The following CDH12 variants were observed in gnomAD, a reference collection of about 807,000 sequenced individuals.
The protein encoded by CDH12 is cadherin 12.
Under a neutral mutation model 74.1 loss-of-function variants are expected in CDH12, and 41 were observed. The observed-to-expected ratio is 0.55, with a 90% CI of 0.43 to 0.72. CDH12 has a LOEUF of 0.72. Ranked by LOEUF, CDH12 falls within the 30% of genes least tolerant of loss-of-function variation. CDH12 has a pLI of 0.00. For missense variants in CDH12, 945 were observed against 977.2 expected, an observed-to-expected ratio of 0.97 and a Z score of 0.44; for synonymous variants, 399 against 355.0, an observed-to-expected ratio of 1.12 and a Z score of -1.39.
chr5:22,397,802 G>A (rs1742527629), intron 3 of CDH12, among the ~76,000 whole-genome samples: 1 of 152,016 alleles, frequency 6.6e-6, no homozygotes, highest in African/African-American at 2.4e-5. Context: ...TTAAAATGAG[G>A]TTATTATGGT....
At chr5:22,302,189 A>T (rs550935746) in intron 3 of CDH12, among the ~76,000 whole-genome samples, 1 of 152,340 alleles carries the variant, frequency 6.6e-6, no homozygotes, top group East Asian at 1.9e-4. Context: ...CAGAGAAAGA[A>T]AAACAAGTAA....
chr5:22,565,830 T>C, intron 1 of CDH12, among the ~76,000 whole-genome samples: 1 of 152,286 alleles, frequency 6.6e-6, no homozygotes, highest in Admixed American at 6.5e-5. Context: ...TTTTTGTTAT[T>C]TTATATGTAT....
intron 5 of CDH12, among the ~76,000 whole-genome samples, chr5:22,035,474 T>C (rs1450291036): frequency 6.6e-6 from 1 of 151,964 alleles, no homozygotes; most frequent in East Asian, 1.9e-4. Flanking sequence ...TATAAAAACA[T>C]GTGAAAACTG....
chr5:22,135,053 A>G (rs1268403155), intron 4 of CDH12, among the ~76,000 whole-genome samples: 1 of 152,048 alleles, frequency 6.6e-6, no homozygotes, highest in Non-Finnish European at 1.5e-5. Context: ...GAACCAGTGT[A>G]AGAGCAAACA....
intron 1 of CDH12, among the ~76,000 whole-genome samples, chr5:22,822,961 T>C (rs1015918964): frequency 6.6e-6 from 1 of 152,142 alleles, no homozygotes; most frequent in East Asian, 1.9e-4. Context: ...CTATTCACAA[T>C]AGCAAAGACT....
At chr5:22,634,254 T>G (rs960148822) in intron 1 of CDH12, among the ~76,000 whole-genome samples, 1 of 152,114 alleles carries the variant, frequency 6.6e-6, no homozygotes, top group African/African-American at 2.4e-5. Context: ...ATATGTTAAT[T>G]GATTAAAACT....
At chr5:22,066,574 G>A (rs1000535040) in intron 5 of CDH12, among the ~76,000 whole-genome samples, 18 of 152,152 alleles carry the variant, frequency 1.2e-4, no homozygotes, top group Admixed American at 6.5e-5. Flanking sequence ...TACTTCCAAA[G>A]TTCTAGAATG....
intron 5 of CDH12, among the ~76,000 whole-genome samples, chr5:22,025,365 G>T (rs544627541): frequency 4.1e-4 from 62 of 152,144 alleles, no homozygotes; most frequent in African/African-American, 1.4e-3. Context: ...TGGTTTCCCA[G>T]CACTTATAAA....
chr5:21,991,050 A>G (rs1391424107), intron 5 of CDH12, among the ~76,000 whole-genome samples: 13 of 151,758 alleles, frequency 8.6e-5, no homozygotes, highest in Non-Finnish European at 1.8e-4. Context: ...GTTTTGTGAC[A>G]TCAATTTGAG....
intron 2 of CDH12, among the ~76,000 whole-genome samples, chr5:22,416,138 A>G (rs552120087): frequency 4.1e-5 from 5 of 120,810 alleles, no homozygotes; most frequent in Admixed American, 1.2e-4. Flanking sequence ...GCAGTGGCGC[A>G]ATCTCGGCTC....
At chr5:22,840,051 AT>A (rs1737013371) in intron 1 of CDH12, among the ~76,000 whole-genome samples, 1 of 152,206 alleles carries the variant, frequency 6.6e-6, no homozygotes. Context: ...CAGTTTTAAA[AT>A]TCAACCATAT....
At chr5:22,838,053 C>T (rs1736911648) in intron 1 of CDH12, among the ~76,000 whole-genome samples, 1 of 152,122 alleles carries the variant, frequency 6.6e-6, no homozygotes, top group Non-Finnish European at 1.5e-5. Flanking sequence ...TCTCCAAGGT[C>T]ATTGTAGGGA....
At chr5:22,077,780 C>A (rs557068728) in intron 5 of CDH12, among the ~76,000 whole-genome samples, 1 of 152,050 alleles carries the variant, frequency 6.6e-6, no homozygotes, top group East Asian at 1.9e-4. Context: ...ATTAAATTTC[C>A]ATAAAGTTGC....
Position 21,946,237 on chromosome 5 carries a change from C to T in CDH12, c.526+28854G>A, listed in dbSNP as rs548525195. ...GAAAGAATGCTAAGGTAATGTGTTG[C>T]TAACAAACTTACCTTTAAAGAATAA... On this transcript the variant is annotated intron_variant, in intron 6 of 14. Coordinates refer to ENST00000382254, the MANE Select transcript of CDH12 (RefSeq NM_004061.5). Among the ~76,000 whole-genome samples the T allele has an allele frequency of 5.5e-3, 829 of 152,046 alleles. 11 individuals are homozygous for T. The highest frequency in any genetic ancestry group is 0.019 in the African/African-American group (770 of 41,496).
intron 6 of CDH12, among the ~76,000 whole-genome samples, chr5:21,881,925 TG>T (rs1752375194): frequency 6.6e-6 from 1 of 152,148 alleles, no homozygotes; most frequent in Non-Finnish European, 1.5e-5. Context: ...TCTGCAAAAG[TG>T]AGAAGAAATC....
chr5:21,894,238 G>C (rs938743102), intron 6 of CDH12, among the ~76,000 whole-genome samples: 1 of 151,880 alleles, frequency 6.6e-6, no homozygotes, highest in African/African-American at 2.4e-5. Context: ...AATTAGCCAG[G>C]CATGGTGGCA....
chr5:22,480,857 T>C (rs1220240560), intron 2 of CDH12, among the ~76,000 whole-genome samples: 1 of 152,182 alleles, frequency 6.6e-6, no homozygotes, highest in African/African-American at 2.4e-5. Flanking sequence ...CAAAAGATTA[T>C]CAGTATTTGC....
chr5:22,618,470 G>C (rs1288776054), intron 1 of CDH12, among the ~76,000 whole-genome samples: 2 of 152,096 alleles, frequency 1.3e-5, no homozygotes, highest in South Asian at 2.1e-4. Context: ...TCAATACCCA[G>C]GGTATACTTT....
intron 3 of CDH12, among the ~76,000 whole-genome samples, chr5:22,402,022 A>T (rs1027057693): frequency 6.6e-6 from 1 of 152,338 alleles, no homozygotes; most frequent in East Asian, 1.9e-4. Flanking sequence ...GGCCTTCAGA[A>T]CTTTGAGACA....
Sources: allele counts gnomAD v4.1 joint callset (sites outside exome capture counted in the v4.1 genomes callset), GRCh38; gene constraint gnomAD v4.1.1; transcripts MANE v1.5; gene names NCBI Gene and HGNC (gene_info 2026-07-23, HGNC 2026-07-21).